NEB: variants seen among roughly 807,000 people sequenced by gnomAD.
The protein encoded by NEB is nemaline myopathy type 2.
NEB carries 512 observed loss-of-function variants against 952.2 expected under a neutral mutation model. The ratio of observed to expected loss-of-function variants is 0.54; its 90% CI spans 0.50 to 0.58. The LOEUF is 0.58. Ranked by LOEUF, NEB falls within the 20% of genes least tolerant of loss-of-function variation. NEB has a pLI of 0.00. For missense variants in NEB, 8,428 were observed against 9,231.1 expected, an observed-to-expected ratio of 0.91 and a Z score of 3.56; for synonymous variants, 2,900 against 3,149.8, an observed-to-expected ratio of 0.92 and a Z score of 2.66.
Position 151,534,034 on chromosome 2 carries a change from C to CA in NEB, c.21313-489dup, listed in dbSNP as rs1394196365. Among the ~76,000 whole-genome samples the CA allele has an allele frequency of 2.6e-5, 4 of 152,194 alleles. No individual in the cohort carries two copies. In the East Asian group the frequency reaches 5.8e-4, roughly 22 times the overall value. On this transcript the variant is annotated intron_variant, in intron 142 of 181. Coordinates refer to ENST00000397345, the MANE Select transcript of NEB (RefSeq NM_001164508.2). ...CCACAGCACAAGTGAGAACACAGAG[C>CA]ATGGACTGGCACACTCAAATAGCTG...
At chr2:151,693,540 G>GGA (rs2099574360) in intron 20 of NEB, among the ~76,000 whole-genome samples, 1 of 151,668 alleles carries the variant, frequency 6.6e-6, no homozygotes, top group South Asian at 2.1e-4. Context: ...TCCTGCGTTA[G>GGA]TTTGCTGAGG....
At chr2:151,678,251 G>C in intron 32 of NEB, 64 bp from the exon 33 acceptor site, 1 of 1,069,838 alleles carries the variant, frequency 9.3e-7, no homozygotes, top group Non-Finnish European at 1.3e-6. Flanking sequence ...AAACAATGAG[G>C]CCATGATTTG....
At chr2:151,501,038 A>ATCTTT (rs2064079426) in intron 168 of NEB, among the ~76,000 whole-genome samples, 1 of 152,206 alleles carries the variant, frequency 6.6e-6, no homozygotes, top group Non-Finnish European at 1.5e-5. Context: ...CAAGTCCAGT[A>ATCTTT]TCTTTTCTTG....
rs2095452627 is a variant in NEB, at chr2:151,553,497, T to C, written c.19632A>G (p.Val6544=). 1 of 1,608,666 alleles carries C rather than the reference T, an allele frequency of 6.2e-7. No individual in the cohort carries two copies. The highest frequency in any genetic ancestry group is 8.5e-7 in the Non-Finnish European group (1 of 1,175,404). Residue 6544 remains valine (V), a synonymous_variant, in exon 127 of 182, where the codon GTA becomes GTG. Coordinates refer to ENST00000397345, the MANE Select transcript of NEB (RefSeq NM_001164508.2). Reference sequence around the variant, plus strand: ...TCAGCCAGTTGAGGTCATCCTTGTATACAATCTAGAGGGTTTTGATAGAAA... The same window carrying C: ...TCAGCCAGTTGAGGTCATCCTTGTACACAATCTAGAGGGTTTTGATAGAAA... The part of the protein sequence containing the change: ...RKVTDQISDI[V]YKDDLNWLKG...
intron 18 of NEB, among the ~76,000 whole-genome samples, 196 bp from the exon 19 acceptor site, chr2:151,694,825 TC>T (rs1422628092): frequency 6.6e-6 from 1 of 152,154 alleles, no homozygotes; most frequent in African/African-American, 2.4e-5. Flanking sequence ...GCTTCTCTAC[TC>T]CCCATGAGAA....
chr2:151,540,824 G>A (rs770983029), intron 136 of NEB, 23 bp from the exon 137 acceptor site: 6 of 1,556,928 alleles, frequency 3.9e-6, no homozygotes, highest in Middle Eastern at 1.7e-4. Flanking sequence ...AGAAAGTGAG[G>A]TGTCATAGAG....
rs989500082 is a variant in NEB, at chr2:151,494,762, C to T, written c.24487-509G>A. ...CTCCCGGGTTCAAGTGATTCTTCTG[C>T]CTCAGCCTCCTGAGTAGCTGGGATT... On this transcript the variant is annotated intron_variant, in intron 173 of 181. Transcript: ENST00000397345. 3.3e-5 allele frequency among the ~76,000 whole-genome samples: 5 copies of T among 152,306 alleles called. No homozygotes were observed. In the East Asian group the frequency reaches 9.6e-4, roughly 29 times the overall value.
In NEB at chr2:151,506,223, A is replaced by G; in HGVS notation, c.23592T>C (p.Ala7864=). The G allele has an allele frequency of 6.2e-7, 1 of 1,613,768 alleles. No individual in the cohort carries two copies. The highest frequency in any genetic ancestry group is 8.5e-7 in the Non-Finnish European group (1 of 1,179,652). ...LYKEDVSPGT[A]IGKTPEMMRV... ...TCATCATCTCAGGTGTCTTTCCGAT[A>G]GCCGTTCCTGGTGAGACATCCTCTT... The change falls in exon 164 of 182, where the codon GCT becomes GCC. Residue 7864 remains alanine (A), a synonymous_variant. Transcript: ENST00000397345.
chr2:151,667,125 A>G (rs537243517), intron 40 of NEB, among the ~76,000 whole-genome samples: 2 of 151,664 alleles, frequency 1.3e-5, no homozygotes, highest in South Asian at 4.2e-4. Flanking sequence ...GAAAAACCAG[A>G]AAGAATCAGC....
chr2:151,608,777 C>T (rs1367195371), intron 81 of NEB, 101 bp from the exon 82 acceptor site: 2 of 98,486 alleles, frequency 2.0e-5, no homozygotes, highest in African/African-American at 6.8e-5. Flanking sequence ...GTGGCGCATG[C>T]CTGTAATCCC....
At chr2:151,679,668 G>GCCCC in intron 32 of NEB, 53 bp downstream of exon 32, 1 of 310,082 alleles carries the variant, frequency 3.2e-6, no homozygotes. Flanking sequence ...CAGACCCCAA[G>GCCCC]CCCACCCACC....
rs928041091 is a variant in NEB at position 151,684,840 on chromosome 2, T to C, written c.2773A>G (p.Ser925Gly). 9.3e-6 allele frequency: 15 copies of C among 1,613,226 alleles called. No homozygotes were observed. The African/African-American group carries it at 1.6e-4, about 17-fold the overall frequency. ...ACATTGATGCTATCAGGGGGGTAGC[T>C]GTAACTGTGTAAGATGTGCTTATAA... ...VDYKHILHSY[S>G]YPPDSINVDL... Residue 925 changes from serine (S) to glycine (G), a missense_variant, in exon 28 of 182, where the codon AGC (serine) becomes GGC (glycine). Around this residue, in one of 11 missense-constraint regions of NEB, gnomAD observed 2,851 missense variants for 2,791.5 expected, o/e 1.02. Coordinates refer to ENST00000397345, the MANE Select transcript of NEB (RefSeq NM_001164508.2).
chr2:151,717,661 A>G, intron 9 of NEB, 141 bp from the exon 10 acceptor site: 1 of 656,030 alleles, frequency 1.5e-6, no homozygotes, highest in Admixed American at 2.8e-5. Flanking sequence ...AGTGATTTCT[A>G]TTTTGCTGAA....
At position 151,639,894 on chromosome 2, in the gene NEB, T is replaced by C; in HGVS notation, c.8852A>G (p.Gln2951Arg). The stretch of plus-strand genomic sequence containing the variant: ...GATGGCATTATTTTTGGCCAACACT[T>C]GTTCCAGAGAGTCAGTCACACTGGT... Reference protein sequence around the residue: ...KFTSVTDSLEQVLAKNNAITM... With the variant: ...KFTSVTDSLERVLAKNNAITM... The change falls in exon 62 of 182, where the codon CAA (glutamine) becomes CGA (arginine). Residue 2951 changes from glutamine (Q) to arginine (R), a missense_variant. Transcript: ENST00000397345. 6.2e-7 allele frequency: 1 copy of C among 1,613,948 alleles called. No individual in the cohort carries two copies. Among genetic ancestry groups the C allele is most frequent in the Non-Finnish European group, 8.5e-7 (1 of 1,179,840 alleles).
intron 153 of NEB, 157 bp from the exon 154 acceptor site, chr2:151,519,925 TATTAATA>T (rs2080776668): frequency 1.9e-6 from 1 of 513,858 alleles, no homozygotes; most frequent in African/African-American, 1.9e-5. Context: ...AAGAAGACAC[TATTAATA>T]ATTAAGAATG....
At chr2:151,509,704 T>C (rs1283493648) in intron 161 of NEB, among the ~76,000 whole-genome samples, 1 of 152,118 alleles carries the variant, frequency 6.6e-6, no homozygotes, top group Admixed American at 6.5e-5. Flanking sequence ...CTTGGCTCAC[T>C]GCAACCTCTG....
In NEB at chr2:151,543,578, T is replaced by C. The variant is rs1337974454; in HGVS notation, c.20578-2027A>G. Among the ~76,000 whole-genome samples, 3 of 152,222 alleles carry C rather than the reference T, an allele frequency of 2.0e-5. No individual in the cohort carries two copies. The East Asian group carries it at 5.8e-4, about 29-fold the overall frequency. ...TAAAGTTGTGAATTACATAAGATCA[T>C]ATAGCTAATTGGAAGTAAATCTGGG... On this transcript the variant is annotated intron_variant, in intron 135 of 181. Transcript: ENST00000397345.
intron 153 of NEB, among the ~76,000 whole-genome samples, chr2:151,521,360 G>A (rs1485201288): frequency 1.3e-5 from 2 of 152,148 alleles, no homozygotes; most frequent in East Asian, 1.9e-4. Context: ...AAAAAGAAAC[G>A]TAAACAAATG....
rs772708316 is a variant in NEB at position 151,629,599 on chromosome 2, G to A, written c.9771C>T (p.Asp3257=). Residue 3257 remains aspartate, a synonymous_variant, in exon 68 of 182, where the codon GAC becomes GAT. Coordinates refer to ENST00000397345, the MANE Select transcript of NEB (RefSeq NM_001164508.2). ...CGATGGGGATGGCGTCACTTCGCAA[G>A]TCGTAGCCTTTCTTTTTTGCTTCTT... ...ANEEAKKKGY[D]LRSDAIPIVA... is the part of the protein sequence containing the mutation. The A allele has an allele frequency of 1.8e-5, 29 of 1,613,678 alleles. No homozygotes were observed. In the East Asian group the frequency reaches 6.2e-4, roughly 35 times the overall value.
Sources: gnomAD v4.1 joint callset for allele counts (sites outside exome capture counted in the v4.1 genomes callset) on GRCh38, gnomAD v4.1.1 for gene constraint, gnomAD v4.1.1 regional missense constraint, MANE v1.5 for transcripts, NCBI Gene and HGNC (gene_info 2026-07-23, HGNC 2026-07-21) for gene names.